Variants in C3 observed in about 807,000 individuals in gnomAD.
The protein encoded by C3 is complement C3.
A neutral mutation model predicts 207.9 loss-of-function variants in C3; 97 were observed. The ratio of observed to expected loss-of-function variants is 0.47; its 90% CI spans 0.40 to 0.55. C3 has a LOEUF of 0.55. Among genes scored for constraint, C3 ranks in the 20% least tolerant of loss-of-function variants. The pLI is 0.00. For synonymous variants in C3, 848 were observed against 857.6 expected, an observed-to-expected ratio of 0.99 and a Z score of 0.20; for missense variants, 1,684 against 2,171.7, an observed-to-expected ratio of 0.78 and a Z score of 4.46.
chr19:6,702,095 C>A (rs767321019), intron 19 of C3, 32 bp downstream of exon 19: 1 of 1,212,048 alleles, frequency 8.3e-7, no homozygotes. Context: ...GGGGTCCCTG[C>A]CTCCCGGGGA....
intron 2 of C3, 27 bp from the exon 3 acceptor site, chr19:6,718,439 G>A (rs867586450): frequency 1.2e-6 from 2 of 1,614,022 alleles, no homozygotes; most frequent in African/African-American, 1.3e-5. Flanking sequence ...CATTGTCAGG[G>A]GTCTGTTCCA....
chr19:6,695,268 C>CA (rs59296902), intron 23 of C3, among the ~76,000 whole-genome samples: 10,229 of 107,058 alleles, frequency 0.096, 690 homozygotes, highest in African/African-American at 0.21. Context: ...GACTCCGCCT[C>CA]AAAAAAAAAA....
intron 27 of C3, 49 bp from the exon 28 acceptor site, chr19:6,686,951 C>G: frequency 6.9e-6 from 11 of 1,585,930 alleles, no homozygotes; most frequent in Non-Finnish European, 9.5e-6. Context: ...ATTGCTGTCA[C>G]GTTAGTAAGG....
chr19:6,683,107 T>C (rs1181687331), intron 33 of C3: 1 of 152,158 alleles, frequency 6.6e-6, no homozygotes, highest in African/African-American at 2.4e-5. Context: ...GGAAGGGACA[T>C]TATAGAATAC....
At position 6,689,330 on chromosome 19, in the gene C3, TCCCTCCCTCCCTCCCTCC is replaced by T. The variant is rs1918099212; in HGVS notation, c.3489+1281_3489+1298del. ...CTCTCTCTCTCTCTCTCTACCTACC[TCCCTCCCTCCCTCCCTCC>T]CTCCCTCCCTCCCTCTCTCTCTCTC... is the stretch of plus-strand genomic sequence containing the variant. On this transcript the variant is annotated intron_variant, in intron 27 of 40. Transcript: ENST00000245907. Among the ~76,000 whole-genome samples the T allele has an allele frequency of 4.4e-4, 19 of 42,902 alleles. 1 individual carries two copies. Among genetic ancestry groups the T allele is most frequent in the African/African-American group, 2.0e-3 (17 of 8,712 alleles). 28.1% of individuals were successfully genotyped at this position (42,902 alleles called of 152,430 possible). A position where few individuals can be genotyped will look rare whatever the true frequency, so the allele number is the denominator to read the frequency against.
At chr19:6,716,881 T>C (rs1004077167) in intron 4 of C3, 1 of 152,034 alleles carries the variant, frequency 6.6e-6, no homozygotes, top group African/African-American at 2.4e-5. Context: ...CATTGTAAAA[T>C]TGAGACATTG....
chr19:6,701,446 A>G (rs1391791741), intron 19 of C3, among the ~76,000 whole-genome samples: 1 of 152,116 alleles, frequency 6.6e-6, no homozygotes, highest in East Asian at 1.9e-4. Flanking sequence ...TCATAAAAAG[A>G]GTCTACCAGC....
At position 6,714,465 on chromosome 19, in the gene C3, AAGGATAG is replaced by A. The variant is rs1967989830; in HGVS notation, c.505-26_505-20del. ...CCGGGTTCTGTGGGAGGCAGGAGGG[AAGGATAG>A]AGGATAAAGTGGCTCTTCGGAGGCT... On this transcript the variant is annotated intron_variant, in intron 4 of 40. Coordinates refer to ENST00000245907, the MANE Select transcript of C3 (RefSeq NM_000064.4). The A allele has an allele frequency of 6.3e-7, 1 of 1,586,760 alleles. No individual in the cohort carries two copies. Among genetic ancestry groups the A allele is most frequent in the Non-Finnish European group, 8.7e-7 (1 of 1,156,014 alleles).
At chr19:6,692,808 A>G (rs1307095022) in intron 26 of C3, 116 bp downstream of exon 26, 18 of 1,297,530 alleles carry the variant, frequency 1.4e-5, no homozygotes, top group South Asian at 2.4e-5. Flanking sequence ...CCCCAGCCCA[A>G]TCTTTGCAAA....
Position 6,710,855 on chromosome 19 carries a change from C to T in C3, c.1480-10G>A, listed in dbSNP as rs200390075. On this transcript the variant is annotated splice_polypyrimidine_tract_variant and intron_variant, in intron 12 of 40. Transcript: ENST00000245907. The stretch of plus-strand genomic sequence containing the variant: ...TGCCCTTGTTCATGATCTGGGGGGA[C>T]AGGCTGGCATCAGGCTGGGGAGGGT... 1.9e-5 allele frequency: 31 copies of T among 1,612,760 alleles called. No homozygotes were observed. The African/African-American group carries it at 2.9e-4, about 15-fold the overall frequency.
At chr19:6,697,605 C>T (rs1599510328) in intron 20 of C3, 47 bp downstream of exon 20, 1 of 1,613,836 alleles carries the variant, frequency 6.2e-7, no homozygotes, top group Non-Finnish European at 8.5e-7. Context: ...AACAGGCTAC[C>T]TACCCCCTGG....
In C3 at chr19:6,710,859, C is replaced by A. The variant is rs372282600; in HGVS notation, c.1480-14G>T. ...CTTGTTCATGATCTGGGGGGACAGG[C>A]TGGCATCAGGCTGGGGAGGGTGAGT... On this transcript the variant is annotated splice_polypyrimidine_tract_variant and intron_variant, in intron 12 of 40. Coordinates refer to ENST00000245907, the MANE Select transcript of C3 (RefSeq NM_000064.4). 1 of 1,612,388 alleles carries A rather than the reference C, an allele frequency of 6.2e-7. No homozygotes were observed. The highest frequency in any genetic ancestry group is 8.5e-7 in the Non-Finnish European group (1 of 1,178,752).
chr19:6,711,038 G>A lies in C3; in HGVS notation c.1428C>T (p.Leu476=), dbSNP rs1301962534. ...CCTCGTGGGCGCGGTCCATTCGCAG[G>A]AGGAAGTTGACGTTGAGGGTCTCCC... ...RPGETLNVNF[L]LRMDRAHEAK... Residue 476 remains leucine, a synonymous_variant, in exon 12 of 41, where the codon CTC becomes CTT. Coordinates refer to ENST00000245907, the MANE Select transcript of C3 (RefSeq NM_000064.4). 2.5e-6 allele frequency: 4 copies of A among 1,614,052 alleles called. No individual in the cohort carries two copies. The highest frequency in any genetic ancestry group is 3.3e-5 in the Admixed American group (2 of 59,994).
intron 17 of C3, among the ~76,000 whole-genome samples, chr19:6,704,043 C>T (rs1044995128): frequency 7.9e-5 from 12 of 152,202 alleles, no homozygotes; most frequent in African/African-American, 2.9e-4. Context: ...TCTGAGAGGC[C>T]AAGGTGGGAG....
chr19:6,682,280 A>G (rs1334402083), intron 33 of C3, 51 bp from the exon 34 acceptor site: 1 of 1,425,840 alleles, frequency 7.0e-7, no homozygotes, highest in Non-Finnish European at 9.9e-7. Context: ...GGTCAGCCCC[A>G]AGGGTCTGTT....
At position 6,684,647 on chromosome 19, in the gene C3, C is replaced by T. The variant is rs763874600; in HGVS notation, c.4033G>A (p.Val1345Met). ...EGKGQGTLSVVTMYHAKAKDQ... is the reference protein window; with the variant it reads ...EGKGQGTLSVMTMYHAKAKDQ... ...TTGGCCTTAGCATGGTACATTGTCA[C>T]CACCTGGTAAGATGGGAGAGGAGAC... Residue 1345 changes from valine to methionine, a missense_variant, in exon 32 of 41, where the codon GTG (valine) becomes ATG (methionine). This residue lies in a region of C3 where 1,280 missense variants were observed against 1,739.1 expected (regional missense o/e 0.74). Transcript: ENST00000245907. 3 of 1,613,334 alleles carry T rather than the reference C, an allele frequency of 1.9e-6. No homozygotes were observed. Among genetic ancestry groups the T allele is most frequent in the South Asian group, 1.1e-5 (1 of 91,064 alleles).
Position 6,677,794 on chromosome 19 carries a change from G to A in C3, c.*88C>T. On this transcript the variant is annotated 3_prime_UTR_variant, in exon 41 of 41. Coordinates refer to ENST00000245907, the MANE Select transcript of C3 (RefSeq NM_000064.4). ...GCTGAGCTGCAGGTGAGGCGGCTGG[G>A]GATTTCAGCCTCTCCCTCTTGGCAA... 6.5e-7 allele frequency: 1 copy of A among 1,531,232 alleles called. No individual in the cohort carries two copies. The highest frequency in any genetic ancestry group is 1.1e-5 in the South Asian group (1 of 88,588). The allele number at this position is 1,531,232 out of a possible 1,614,324, so 94.9% of individuals were successfully genotyped here. A position where few individuals can be genotyped will look rare whatever the true frequency, so the allele number is the denominator to read the frequency against.
chr19:6,681,582 C>T (rs1276953553), intron 35 of C3, among the ~76,000 whole-genome samples: 1 of 151,398 alleles, frequency 6.6e-6, no homozygotes, highest in East Asian at 1.9e-4. Flanking sequence ...AGAAATAGAT[C>T]AAAGAAAGAA....
chr19:6,717,574 GTGTGTGTTGTGTGTGT>G (rs1252869277), intron 4 of C3: 55 of 176,462 alleles, frequency 3.1e-4, no homozygotes, highest in African/African-American at 5.4e-4. Flanking sequence ...GTTGTGTTTT[GTGTGTGTTGTGTGTGT>G]TGTGTGTTGT....
Sources: allele counts gnomAD v4.1 joint callset (sites outside exome capture counted in the v4.1 genomes callset), GRCh38; gene constraint gnomAD v4.1.1; regional missense constraint gnomAD v4.1.1; transcripts MANE v1.5; gene names NCBI Gene and HGNC (gene_info 2026-07-23, HGNC 2026-07-21).